GSTM2: variants seen among roughly 807,000 people sequenced by gnomAD.
GSTM2 encodes glutathione S-transferase mu 2.
A neutral mutation model predicts 33.3 loss-of-function variants in GSTM2; 33 were observed. That is an observed-to-expected ratio of 0.99 (90% CI 0.75 to 1.33). GSTM2 has a LOEUF of 1.33. GSTM2 is among the 40% of genes most tolerant of loss of function. GSTM2 has a pLI of 0.00. For synonymous variants in GSTM2, 93 were observed against 95.6 expected (o/e 0.97, Z 0.16); for missense variants, 213 against 265.8 (o/e 0.80, Z 1.38).
At chr1:109,668,525 C>T (rs769756057) in intron 2 of GSTM2, 25 bp downstream of exon 2, 3 of 1,611,904 alleles carry the variant, frequency 1.9e-6, no homozygotes, top group South Asian at 1.1e-5. Context: ...GAGTCTGGGC[C>T]CTGCCCCCTC....
chr1:109,669,547 C>T lies in GSTM2; in HGVS notation c.336C>T (p.Ala112=). The change falls in exon 5 of 8, where the codon GCC becomes GCT. Residue 112 remains alanine, a synonymous_variant. Coordinates refer to ENST00000241337, the MANE Select transcript of GSTM2 (RefSeq NM_000848.4). ...NQFMDSRMQL[A]KLCYDPDFEK... is the part of the protein sequence containing the mutation. ...TTATGGACAGCCGTATGCAGCTGGC[C>T]AAACTCTGCTATGACCCAGATTTTG... is the stretch of plus-strand genomic sequence containing the variant. 1.2e-6 allele frequency: 2 copies of T among 1,610,286 alleles called. No individual in the cohort carries two copies. Among genetic ancestry groups the T allele is most frequent in the Non-Finnish European group, 1.7e-6 (2 of 1,176,720 alleles).
At chr1:109,676,926 T>G (rs71657120), downstream of GSTM2, among the ~76,000 whole-genome samples, 3 of 152,208 alleles carry the variant, frequency 2.0e-5, no homozygotes, top group Admixed American at 6.5e-5. Context: ...CTGTGGGTCA[T>G]GTATTCACGC....
chr1:109,668,170 G>A lies in GSTM2; in HGVS notation c.36+19G>A, dbSNP rs1433893158. 1 of 1,608,850 alleles carries A rather than the reference G, an allele frequency of 6.2e-7. No individual in the cohort carries two copies. Among genetic ancestry groups the A allele is most frequent in the Admixed American group, 1.7e-5 (1 of 60,014 alleles). ...CCGCGGGGTGAGCCAGGGTCCGCTG[G>A]GCGGTGGGACGGGGGTGCGTGGGGG... On this transcript the variant is annotated intron_variant, in intron 1 of 7. Coordinates refer to ENST00000241337, the MANE Select transcript of GSTM2 (RefSeq NM_000848.4).
chr1:109,669,092 C>T, intron 3 of GSTM2, 103 bp downstream of exon 3: 1 of 1,350,640 alleles, frequency 7.4e-7, no homozygotes, highest in Non-Finnish European at 1.1e-6. Context: ...GTCTTCTGCC[C>T]AATTCCTCTC....
In GSTM2 at chr1:109,668,422, C is replaced by T. The variant is rs769869207; in HGVS notation, c.37-3C>T. 5 of 1,613,806 alleles carry T rather than the reference C, an allele frequency of 3.1e-6. No individual in the cohort carries two copies. The highest frequency in any genetic ancestry group is 4.2e-6 in the Non-Finnish European group (5 of 1,179,692). The stretch of plus-strand genomic sequence containing the variant: ...GACCCGAGCTGTGGGCCATCTCTCC[C>T]AGCTGGCCCATTCCATCCGCCTGCT... On this transcript the variant is annotated splice_region_variant and splice_polypyrimidine_tract_variant and intron_variant, in intron 1 of 7. Transcript: ENST00000241337.
At chr1:109,673,572 G>A (rs569217953) in intron 7 of GSTM2, 1 of 324,856 alleles carries the variant, frequency 3.1e-6, no homozygotes, top group Admixed American at 4.4e-5. Context: ...GGTAAGAGGT[G>A]GTGGGAAGGG....
chr1:109,676,640 T>A (rs1647711874), downstream of GSTM2, among the ~76,000 whole-genome samples: 1 of 152,196 alleles, frequency 6.6e-6, no homozygotes, highest in African/African-American at 2.4e-5. Flanking sequence ...CGTGAGCCAC[T>A]CTGCCTGGCT....
At position 109,671,264 on chromosome 1, in the gene GSTM2, T is replaced by C. The variant is rs753582928; in HGVS notation, c.361-23T>C. On this transcript the variant is annotated intron_variant, in intron 5 of 7. Transcript: ENST00000241337. Reference sequence around the variant, plus strand: ...TGCAGGGAGCTTGTGTCTGAGGGTGTTGACAGCTGTTTTCTGCCTCAGGAG... The same window carrying C: ...TGCAGGGAGCTTGTGTCTGAGGGTGCTGACAGCTGTTTTCTGCCTCAGGAG... 22 of 1,562,732 alleles carry C rather than the reference T, an allele frequency of 1.4e-5. No homozygotes were observed. The Admixed American group carries it at 3.7e-4, about 26-fold the overall frequency.
chr1:109,672,171 T>G lies in GSTM2; in HGVS notation c.567+588T>G, dbSNP rs372200704. On this transcript the variant is annotated intron_variant, in intron 7 of 7. Coordinates refer to ENST00000241337, the MANE Select transcript of GSTM2 (RefSeq NM_000848.4). ...GGCACATGCCTATAATCCCAGCTAC[T>G]AGGGAGGCTGAGGCAGGAGAATCTC... 1.9e-4 allele frequency among the ~76,000 whole-genome samples: 29 copies of G among 151,362 alleles called. No individual in the cohort carries two copies. In the East Asian group the frequency reaches 5.4e-3, roughly 28 times the overall value.
At chr1:109,679,636 AC>A (rs1426513315), downstream of GSTM2, among the ~76,000 whole-genome samples, 1 of 152,100 alleles carries the variant, frequency 6.6e-6, no homozygotes, top group Admixed American at 6.5e-5. Context: ...GGCTTAGTCA[AC>A]TCCTGGAGAA....
chr1:109,668,684 C>A (rs1439273283), intron 2 of GSTM2, 184 bp downstream of exon 2: 2 of 826,496 alleles, frequency 2.4e-6, no homozygotes, highest in East Asian at 2.6e-5. Context: ...GCTGGGCCCC[C>A]GTCTGGGTAA....
At chr1:109,674,164 C>G (rs1173749177) in intron 7 of GSTM2, among the ~76,000 whole-genome samples, 6 of 152,112 alleles carry the variant, frequency 3.9e-5, no homozygotes. Context: ...TTCAGAGCCC[C>G]TTTGTTCTGC....
downstream of GSTM2, among the ~76,000 whole-genome samples, chr1:109,676,469 A>G (rs1647707067): frequency 6.6e-6 from 1 of 152,052 alleles, no homozygotes; most frequent in African/African-American, 2.4e-5. Context: ...CTCCTTCCTC[A>G]GCCTCCCGAG....
chr1:109,669,021 A>C, intron 3 of GSTM2, 32 bp downstream of exon 3: 2 of 1,606,460 alleles, frequency 1.2e-6, no homozygotes, highest in Non-Finnish European at 1.7e-6. Context: ...GTTTTGGGGG[A>C]AAGTGCGACG....
In GSTM2 at chr1:109,669,519, A is replaced by G; in HGVS notation, c.308A>G (p.Gln103Arg). The change falls in exon 5 of 8, where the codon CAG becomes CGG. Residue 103 changes from glutamine to arginine, a missense_variant. Coordinates refer to ENST00000241337, the MANE Select transcript of GSTM2 (RefSeq NM_000848.4). ...ATTCGCGAAGACATTTTGGAGAACCAGTTTATGGACAGCCGTATGCAGCTG... is the reference window on the plus strand; with the variant it reads ...ATTCGCGAAGACATTTTGGAGAACCGGTTTATGGACAGCCGTATGCAGCTG... ...EQIREDILEN[Q>R]FMDSRMQLAK... 1 of 1,614,012 alleles carries G rather than the reference A, an allele frequency of 6.2e-7. No individual in the cohort carries two copies.
At chr1:109,671,973 GAAAAAAAAAAA>G (rs34285855) in intron 7 of GSTM2, among the ~76,000 whole-genome samples, 41 of 76,390 alleles carry the variant, frequency 5.4e-4, no homozygotes, top group African/African-American at 1.3e-3. Flanking sequence ...TCCATCTCAA[GAAAAAAAAAAA>G]AAAAAAAAAA....
Position 109,671,584 on chromosome 1 carries a change from G to T in GSTM2, c.567+1G>T. The T allele has an allele frequency of 6.7e-7, 1 of 1,501,556 alleles. No homozygotes were observed. Among genetic ancestry groups the T allele is most frequent in the Non-Finnish European group, 9.3e-7 (1 of 1,077,284 alleles). 93.0% of individuals were successfully genotyped at this position (1,501,556 alleles called of 1,614,324 possible). On this transcript the variant is annotated splice_donor_variant, in intron 7 of 7. Transcript: ENST00000241337. LOFTEE classifies it high-confidence loss of function. ...GAAGGACTTCATCTCCCGATTTGAG[G>T]TGATGCCCCCAGCCTCCTTTCTCTT...
chr1:109,669,379 G>A lies in GSTM2; in HGVS notation c.259+8G>A. ...CCCGCAAGCACAACCTGTGTGAGTA[G>A]ATTTGGTTGCAAGATGCGGGGAGGG... On this transcript the variant is annotated splice_region_variant and intron_variant, in intron 4 of 7. Coordinates refer to ENST00000241337, the MANE Select transcript of GSTM2 (RefSeq NM_000848.4). The A allele has an allele frequency of 1.2e-6, 2 of 1,614,254 alleles. No homozygotes were observed. Among genetic ancestry groups the A allele is most frequent in the Non-Finnish European group, 1.7e-6 (2 of 1,180,042 alleles).
intron 7 of GSTM2, among the ~76,000 whole-genome samples, chr1:109,674,493 G>C (rs1647650174): frequency 6.6e-6 from 1 of 152,132 alleles, no homozygotes; most frequent in South Asian, 2.1e-4. Context: ...ATTTCTCTTG[G>C]GTACAGAGCA....
Sources: allele counts gnomAD v4.1 joint callset (sites outside exome capture counted in the v4.1 genomes callset), GRCh38; gene constraint gnomAD v4.1.1; transcripts MANE v1.5; gene names NCBI Gene and HGNC (gene_info 2026-07-23, HGNC 2026-07-21).